Variants in FSHR observed in about 807,000 individuals in gnomAD.
FSHR encodes follicle-stimulating hormone receptor.
FSHR carries 46 observed loss-of-function variants against 52.1 expected under a neutral mutation model. That is an observed-to-expected ratio of 0.88 (90% confidence interval 0.70 to 1.13). FSHR has a LOEUF of 1.13. FSHR is among the 50% of genes most tolerant of loss of function. FSHR has a pLI of 0.00. For missense variants in FSHR, 964 were observed against 834.6 expected (o/e 1.16, Z -1.91); for synonymous variants, 399 against 309.6 (o/e 1.29, Z -3.03).
intron 1 of FSHR, among the ~76,000 whole-genome samples, chr2:49,090,945 A>G (rs1204885294): frequency 1.3e-5 from 2 of 151,834 alleles, no homozygotes; most frequent in African/African-American, 4.8e-5. Flanking sequence ...CTTTCCCATG[A>G]TTAAAAAAAT....
intron 2 of FSHR, among the ~76,000 whole-genome samples, chr2:49,021,048 A>G (rs893621997): frequency 1.3e-5 from 2 of 152,214 alleles, no homozygotes; most frequent in Non-Finnish European, 2.9e-5. Flanking sequence ...ACACACATTT[A>G]CCTATTTAAC....
At chr2:48,997,369 T>A in intron 4 of FSHR, 1 of 985,114 alleles carries the variant, frequency 1.0e-6, no homozygotes, top group Non-Finnish European at 1.2e-6. Flanking sequence ...TCAGGGGAAA[T>A]TTAAGGAGCT....
intron 1 of FSHR, among the ~76,000 whole-genome samples, chr2:49,090,279 G>A (rs1053091263): frequency 2.0e-5 from 3 of 152,088 alleles, no homozygotes; most frequent in Admixed American, 2.0e-4. Context: ...AGGAAACACT[G>A]TCCCTCCACT....
At chr2:49,030,749 A>G (rs1392299964) in intron 2 of FSHR, among the ~76,000 whole-genome samples, 4 of 152,090 alleles carry the variant, frequency 2.6e-5, no homozygotes, top group South Asian at 2.1e-4. Flanking sequence ...CTCTGACTCC[A>G]TATTTAACTG....
intron 2 of FSHR, among the ~76,000 whole-genome samples, chr2:49,029,282 C>T (rs1207925286): frequency 2.0e-5 from 3 of 152,154 alleles, no homozygotes; most frequent in Admixed American, 6.5e-5. Context: ...GAATTACGGG[C>T]CCTTGGCTGT....
intron 8 of FSHR, among the ~76,000 whole-genome samples, chr2:48,973,371 CCCGCAGTCAG>C (rs1325466520): frequency 1.2e-4 from 18 of 144,430 alleles, no homozygotes; most frequent in African/African-American, 5.3e-4. Context: ...GACCCCCCGC[CCCGCAGTCAG>C]CCGCCTGAGC....
intron 1 of FSHR, among the ~76,000 whole-genome samples, chr2:49,142,549 C>T (rs749352677): frequency 1.3e-5 from 2 of 152,138 alleles, no homozygotes; most frequent in Non-Finnish European, 2.9e-5. Context: ...CTCTCTGGCA[C>T]CTCAAACAGT....
At chr2:49,042,225 C>G (rs939066428) in intron 2 of FSHR, among the ~76,000 whole-genome samples, 1 of 152,176 alleles carries the variant, frequency 6.6e-6, no homozygotes, top group Non-Finnish European at 1.5e-5. Flanking sequence ...TTTGAAAACT[C>G]ACCTTCCAAT....
At chr2:49,053,730 T>G (rs754324823) in intron 2 of FSHR, among the ~76,000 whole-genome samples, 2 of 152,164 alleles carry the variant, frequency 1.3e-5, no homozygotes, top group Non-Finnish European at 2.9e-5. Context: ...TGACTTCTGA[T>G]AGAAGTAGAG....
intron 1 of FSHR, among the ~76,000 whole-genome samples, chr2:49,096,763 G>A (rs1201036908): frequency 6.6e-6 from 1 of 152,122 alleles, no homozygotes; most frequent in Non-Finnish European, 1.5e-5. Flanking sequence ...CTGGTGGGAG[G>A]TACCTGGATC....
chr2:48,972,870 A>C (rs1248875288), intron 8 of FSHR, among the ~76,000 whole-genome samples: 1 of 152,208 alleles, frequency 6.6e-6, no homozygotes, highest in Non-Finnish European at 1.5e-5. Flanking sequence ...ACAGTATAAA[A>C]ATTGGATTAA....
intron 1 of FSHR, among the ~76,000 whole-genome samples, chr2:49,108,290 T>C (rs910437329): frequency 3.9e-5 from 6 of 152,154 alleles, no homozygotes; most frequent in African/African-American, 1.4e-4. Context: ...GCTGGCAGAT[T>C]GTAGATTGTG....
At chr2:48,973,798 C>T (rs1320577247) in intron 8 of FSHR, among the ~76,000 whole-genome samples, 4 of 152,176 alleles carry the variant, frequency 2.6e-5, no homozygotes, top group African/African-American at 9.7e-5. Flanking sequence ...GACAGATCAC[C>T]CCAGCCAACT....
Position 49,068,258 on chromosome 2 carries a change from T to C in FSHR, c.185A>G (p.Gln62Arg). 6.2e-7 allele frequency: 1 copy of C among 1,611,650 alleles called. No individual in the cohort carries two copies. Among genetic ancestry groups the C allele is most frequent in the Non-Finnish European group, 8.5e-7 (1 of 1,178,678 alleles). The change falls in exon 2 of 10, where the codon CAA (glutamine) becomes CGA (arginine). Residue 62 changes from glutamine to arginine, a missense_variant. Gln to Arg is a conservative substitution (Grantham distance 43). Coordinates refer to ENST00000406846, the MANE Select transcript of FSHR (RefSeq NM_000145.4). Reference sequence around the variant, plus strand: ...CCCAAATCCTGAAAATGCACCTTTTTGGATGACTCGAAGCTTGGTGAGGAC... The same window carrying C: ...CCCAAATCCTGAAAATGCACCTTTTCGGATGACTCGAAGCTTGGTGAGGAC... Reference protein sequence around the residue: ...RFVLTKLRVIQKGAFSGFGDL... With the variant: ...RFVLTKLRVIRKGAFSGFGDL...
At chr2:49,083,987 A>C (rs1245578040) in intron 1 of FSHR, among the ~76,000 whole-genome samples, 1 of 151,876 alleles carries the variant, frequency 6.6e-6, no homozygotes, top group Non-Finnish European at 1.5e-5. Flanking sequence ...GCTCTGCACC[A>C]AGCAGACCTA....
chr2:49,016,833 T>C (rs1469885829), intron 4 of FSHR, among the ~76,000 whole-genome samples: 1 of 152,202 alleles, frequency 6.6e-6, no homozygotes, highest in Non-Finnish European at 1.5e-5. Flanking sequence ...TCCATACCTA[T>C]GATCAGTAGC....
chr2:49,104,058 G>A lies in FSHR; in HGVS notation c.153-35768C>T, dbSNP rs140541140. On this transcript the variant is annotated intron_variant, in intron 1 of 9. Coordinates refer to ENST00000406846, the MANE Select transcript of FSHR (RefSeq NM_000145.4). ...CAGTTTGTAAAGGCTTGGGGGAGAT[G>A]ATAGTATCAGTAATCATGCCAGTAA... Among the ~76,000 whole-genome samples the A allele has an allele frequency of 1.5e-3, 231 of 152,124 alleles. 2 individuals carry two copies. The highest frequency in any genetic ancestry group is 4.9e-4 in the Non-Finnish European group (33 of 67,996).
At chr2:49,147,224 A>G (rs1282224824) in intron 1 of FSHR, among the ~76,000 whole-genome samples, 1 of 152,042 alleles carries the variant, frequency 6.6e-6, no homozygotes, top group Admixed American at 6.6e-5. Flanking sequence ...TCTCATTATA[A>G]TCAGATCCTA....
At chr2:49,013,265 G>A (rs1297625731) in intron 4 of FSHR, among the ~76,000 whole-genome samples, 1 of 151,558 alleles carries the variant, frequency 6.6e-6, no homozygotes, top group Non-Finnish European at 1.5e-5. Flanking sequence ...ATAAATTTCT[G>A]TTGTTTAATT....
Sources: allele counts gnomAD v4.1 joint callset (sites outside exome capture counted in the v4.1 genomes callset), GRCh38; gene constraint gnomAD v4.1.1; transcripts MANE v1.5; gene names NCBI Gene and HGNC (gene_info 2026-07-23, HGNC 2026-07-21).